The following HPSE2 variants were observed in gnomAD, a reference collection of about 807,000 sequenced individuals.
HPSE2 encodes the protein heparanase 2 (inactive).
HPSE2 carries 38 observed loss-of-function variants against 60.5 expected under a neutral mutation model. That is an observed-to-expected ratio of 0.63 (90% CI 0.48 to 0.82). The LOEUF (loss-of-function observed/expected upper bound fraction) is 0.82, where lower values mean the gene tolerates loss of function less well. HPSE2 is among the 40% of genes least tolerant of loss of function. HPSE2 has a pLI of 0.00. For missense variants in HPSE2, 713 were observed against 740.4 expected (o/e 0.96, Z 0.43); for synonymous variants, 295 against 293.2 (o/e 1.01, Z -0.06).
chr10:98,518,787 G>T (rs1942689097), intron 9 of HPSE2, among the ~76,000 whole-genome samples: 2 of 151,990 alleles, frequency 1.3e-5, no homozygotes, highest in African/African-American at 4.8e-5. Flanking sequence ...TGCGTGCAAA[G>T]AGATCGGCCC....
the HPSE2 span, among the ~76,000 whole-genome samples, chr10:99,292,362 G>A: frequency 6.6e-6 from 1 of 152,200 alleles, no homozygotes; most frequent in Non-Finnish European, 1.5e-5. Context: ...AAGCCCAGAA[G>A]GAAGTACTCA....
At chr10:98,937,566 G>A (rs1369760396) in intron 3 of HPSE2, among the ~76,000 whole-genome samples, 1 of 144,108 alleles carries the variant, frequency 6.9e-6, no homozygotes, top group East Asian at 2.0e-4. Context: ...GCTTTCTTAG[G>A]TAAACAAAGC....
At chr10:98,747,240 A>C (rs1949651837) in intron 3 of HPSE2, among the ~76,000 whole-genome samples, 1 of 152,168 alleles carries the variant, frequency 6.6e-6, no homozygotes, top group Non-Finnish European at 1.5e-5. Flanking sequence ...CATGCAATAA[A>C]ATTACTTATT....
At chr10:99,311,320 ACT>A in the HPSE2 span, among the ~76,000 whole-genome samples, 1 of 152,208 alleles carries the variant, frequency 6.6e-6, no homozygotes, top group Non-Finnish European at 1.5e-5. Context: ...CTTTGCAGAC[ACT>A]GTGTTTCTTA....
chr10:98,851,024 C>T (rs146487854), intron 3 of HPSE2, among the ~76,000 whole-genome samples: 151 of 152,314 alleles, frequency 9.9e-4, no homozygotes, highest in South Asian at 1.7e-3. Context: ...TAATGTCAAA[C>T]CGAGTTGGCA....
chr10:99,072,223 C>T (rs1321510528), intron 3 of HPSE2, among the ~76,000 whole-genome samples: 1 of 152,070 alleles, frequency 6.6e-6, no homozygotes, highest in East Asian at 1.9e-4. Context: ...CAATACCATT[C>T]AGGACATACA....
chr10:98,809,655 T>C (rs960383448), intron 3 of HPSE2, among the ~76,000 whole-genome samples: 4 of 152,144 alleles, frequency 2.6e-5, no homozygotes, highest in African/African-American at 9.6e-5. Flanking sequence ...CAATAATTTT[T>C]ATAACCAACA....
At chr10:98,612,290 G>T (rs535563240) in intron 9 of HPSE2, among the ~76,000 whole-genome samples, 34 of 152,290 alleles carry the variant, frequency 2.2e-4, no homozygotes, top group African/African-American at 7.9e-4. Flanking sequence ...ACACAATTTA[G>T]AACTGGAAAA....
At chr10:98,941,365 G>C (rs1461123013) in intron 3 of HPSE2, among the ~76,000 whole-genome samples, 2 of 125,426 alleles carry the variant, frequency 1.6e-5, no homozygotes, top group African/African-American at 3.4e-5. Context: ...TCCTTAAGCT[G>C]ATAAGCAACT....
chr10:98,880,996 G>A (rs1250083394), intron 3 of HPSE2, among the ~76,000 whole-genome samples: 1 of 152,044 alleles, frequency 6.6e-6, no homozygotes, highest in Non-Finnish European at 1.5e-5. Flanking sequence ...AAACCCTGCT[G>A]CTGTTGCTGC....
chr10:99,217,261 G>A (rs896075610), intron 2 of HPSE2, among the ~76,000 whole-genome samples: 1 of 148,214 alleles, frequency 6.7e-6, no homozygotes, highest in East Asian at 2.0e-4. Context: ...CCCGGGCCAG[G>A]AGGAGGGCAT....
chr10:98,774,603 C>T (rs1950302823), intron 3 of HPSE2, among the ~76,000 whole-genome samples: 1 of 152,090 alleles, frequency 6.6e-6, no homozygotes. Context: ...CTTCAGTCTT[C>T]ATGGATCTGG....
chr10:98,869,222 T>G (rs996328937), intron 3 of HPSE2, among the ~76,000 whole-genome samples: 6 of 152,186 alleles, frequency 3.9e-5, no homozygotes, highest in Non-Finnish European at 8.8e-5. Context: ...ATATGTTTGC[T>G]TGTTTCTCCT....
chr10:99,145,233 G>A (rs974638742), intron 2 of HPSE2, among the ~76,000 whole-genome samples: 1 of 152,198 alleles, frequency 6.6e-6, no homozygotes, highest in African/African-American at 2.4e-5. Context: ...AAGGCGGGCA[G>A]ATCACGATGT....
chr10:98,909,795 A>T (rs991166173), intron 3 of HPSE2, among the ~76,000 whole-genome samples: 1 of 152,102 alleles, frequency 6.6e-6, no homozygotes, highest in Non-Finnish European at 1.5e-5. Context: ...ATAAAACTTT[A>T]AAAAAATAAA....
chr10:99,162,475 C>G (rs532231278), intron 2 of HPSE2, among the ~76,000 whole-genome samples: 36 of 152,190 alleles, frequency 2.4e-4, no homozygotes, highest in Non-Finnish European at 4.3e-4. Flanking sequence ...CACACAGGGA[C>G]AGGGCTAAAA....
intron 3 of HPSE2, among the ~76,000 whole-genome samples, chr10:98,771,632 A>G (rs1186330437): frequency 6.6e-6 from 1 of 152,216 alleles, no homozygotes; most frequent in Non-Finnish European, 1.5e-5. Context: ...AGCCAGAGAT[A>G]TACTCCTAGG....
At chr10:99,295,215 T>C in the HPSE2 span, among the ~76,000 whole-genome samples, 13 of 152,314 alleles carry the variant, frequency 8.5e-5, no homozygotes, top group Non-Finnish European at 1.3e-4. Flanking sequence ...ACGAGTACTA[T>C]ATTCTCAATT....
At chr10:98,740,341 A>G (rs900390775) in intron 4 of HPSE2, among the ~76,000 whole-genome samples, 31 of 151,978 alleles carry the variant, frequency 2.0e-4, no homozygotes, top group African/African-American at 7.2e-4. Context: ...ACGCCCAGCT[A>G]ATTTTCTAGT....
Sources: gnomAD v4.1 joint callset for allele counts (sites outside exome capture counted in the v4.1 genomes callset) on GRCh38, gnomAD v4.1.1 for gene constraint, MANE v1.5 for transcripts, NCBI Gene and HGNC (gene_info 2026-07-23, HGNC 2026-07-21) for gene names.